The following ZHX2 variants were observed in gnomAD, a reference collection of about 807,000 sequenced individuals.
The protein encoded by ZHX2 is zinc fingers and homeoboxes protein 2.
ZHX2 carries 6 observed loss-of-function variants against 21.9 expected under a neutral mutation model. That is an observed-to-expected ratio of 0.27 (90% CI 0.15 to 0.54). The LOEUF (loss-of-function observed/expected upper bound fraction) is 0.54. ZHX2 is among the 20% of genes least tolerant of loss of function. The pLI is 0.95. For synonymous variants in ZHX2, 434 were observed against 437.1 expected (o/e 0.99, Z 0.09); for missense variants, 908 against 1,090.7 (o/e 0.83, Z 2.36).
chr8:122,967,533 A>T (rs915263103), intron 3 of ZHX2, among the ~76,000 whole-genome samples: 1 of 152,236 alleles, frequency 6.6e-6, no homozygotes, highest in Non-Finnish European at 1.5e-5. Context: ...GGATACCAGC[A>T]CCTGCTCCAG....
intron 3 of ZHX2, among the ~76,000 whole-genome samples, chr8:122,954,404 C>T (rs6987031): frequency 0.031 from 4,763 of 152,162 alleles, 224 homozygotes; most frequent in African/African-American, 0.11. Context: ...AACTCCTGGG[C>T]CCAAGCGATC....
At chr8:122,831,375 T>G (rs1317202057) in intron 1 of ZHX2, among the ~76,000 whole-genome samples, 2 of 151,904 alleles carry the variant, frequency 1.3e-5, no homozygotes, top group Non-Finnish European at 2.9e-5. Context: ...TGAGGACAAG[T>G]GAGGCTAGGG....
chr8:122,891,186 G>A (rs1477769387), intron 2 of ZHX2, among the ~76,000 whole-genome samples: 1 of 151,410 alleles, frequency 6.6e-6, no homozygotes, highest in South Asian at 2.1e-4. Flanking sequence ...GCTTTTCTTT[G>A]TTGGGAGACT....
intron 2 of ZHX2, among the ~76,000 whole-genome samples, chr8:122,888,545 G>A (rs1209946762): frequency 3.3e-5 from 5 of 152,016 alleles, no homozygotes; most frequent in South Asian, 4.1e-4. Context: ...GCAGTGGTGC[G>A]ATCTTGGCTC....
chr8:122,844,814 A>G (rs1818718615), intron 1 of ZHX2, among the ~76,000 whole-genome samples: 1 of 152,172 alleles, frequency 6.6e-6, no homozygotes, highest in African/African-American at 2.4e-5. Flanking sequence ...TACAGGAGAG[A>G]ATCACACTCT....
intron 2 of ZHX2, among the ~76,000 whole-genome samples, chr8:122,875,823 T>C (rs979793857): frequency 6.6e-6 from 1 of 152,242 alleles, no homozygotes; most frequent in African/African-American, 2.4e-5. Flanking sequence ...TGCCTCCCTA[T>C]CATTGCCATC....
intron 2 of ZHX2, among the ~76,000 whole-genome samples, chr8:122,927,665 G>T (rs1307797114): frequency 6.6e-6 from 1 of 152,160 alleles, no homozygotes; most frequent in Non-Finnish European, 1.5e-5. Context: ...AAAACCATCA[G>T]ATCTCATGAG....
intron 1 of ZHX2, among the ~76,000 whole-genome samples, chr8:122,834,192 C>A (rs1337134204): frequency 6.6e-6 from 1 of 152,180 alleles, no homozygotes; most frequent in African/African-American, 2.4e-5. Flanking sequence ...CCACCTGCCA[C>A]CATCAGGGTT....
At chr8:122,940,097 C>T (rs549627612) in intron 2 of ZHX2, among the ~76,000 whole-genome samples, 9 of 152,298 alleles carry the variant, frequency 5.9e-5, no homozygotes, top group African/African-American at 1.9e-4. Context: ...CTCTGGCTTG[C>T]ATGTGGGTTT....
At position 122,953,595 on chromosome 8, in the gene ZHX2, G is replaced by T. The variant is rs1417510358; in HGVS notation, c.2085G>T (p.Gln695His). 1.2e-6 allele frequency: 2 copies of T among 1,614,050 alleles called. No homozygotes were observed. The highest frequency in any genetic ancestry group is 2.7e-5 in the African/African-American group (2 of 74,942). Residue 695 changes from glutamine to histidine, a missense_variant, in exon 3 of 4, where the codon CAG becomes CAT. Around this residue, in one of 4 missense-constraint regions of ZHX2, gnomAD observed 431 missense variants for 428.6 expected, o/e 1.01. Coordinates refer to ENST00000314393, the MANE Select transcript of ZHX2 (RefSeq NM_014943.5). This position sits in a 1 kb window ranked among gnomAD's most constrained non-coding sequence, Gnocchi z 4.6. ...TGTVKWMEQY[Q>H]HQPMADDHGY... ...CCGTGAAGTGGATGGAGCAGTACCA[G>T]CACCAGCCCATGGCAGATGATCACG...
intron 2 of ZHX2, among the ~76,000 whole-genome samples, chr8:122,925,218 A>G (rs969773054): frequency 6.6e-6 from 1 of 152,208 alleles, no homozygotes; most frequent in Non-Finnish European, 1.5e-5. Context: ...TTACTAGTTG[A>G]TTGTTCCCCT....
intron 1 of ZHX2, among the ~76,000 whole-genome samples, chr8:122,783,948 G>T (rs936652063): frequency 1.3e-5 from 2 of 152,210 alleles, no homozygotes; most frequent in South Asian, 2.1e-4. Flanking sequence ...TTGCGCACTT[G>T]TACCTTTCCT....
rs548370994 is a variant in ZHX2 at position 122,796,039 on chromosome 8, C to T, written c.-283+14093C>T. ...TACAAAAATTAGCTGGGCATGGTGG[C>T]AGGCGCCTGTAATGCCAGCTACTTG... On this transcript the variant is annotated intron_variant, in intron 1 of 3. Transcript: ENST00000314393. Among the ~76,000 whole-genome samples the T allele has an allele frequency of 3.6e-3, 548 of 152,078 alleles. 4 individuals are homozygous for T. Among genetic ancestry groups the T allele is most frequent in the African/African-American group, 0.013 (522 of 41,466 alleles).
At position 122,951,991 on chromosome 8, in the gene ZHX2, C is replaced by T. The variant is rs998675557; in HGVS notation, c.481C>T (p.His161Tyr). ...GGAACAGTCCATCGAAACCACCAAC[C>T]ATGTCGTGTCCATCACCACCAGTGG... ...VLEQSIETTN[H>Y]VVSITTSGPG... Residue 161 changes from histidine (H) to tyrosine (Y), a missense_variant, in exon 3 of 4, where the codon CAT (histidine) becomes TAT (tyrosine). His to Tyr is a moderately conservative substitution (Grantham distance 83). Transcript: ENST00000314393. 1 of 1,613,680 alleles carries T rather than the reference C, an allele frequency of 6.2e-7. No individual in the cohort carries two copies. Among genetic ancestry groups the T allele is most frequent in the Non-Finnish European group, 8.5e-7 (1 of 1,179,996 alleles).
At position 122,953,473 on chromosome 8, in the gene ZHX2, C is replaced by T. The variant is rs1813196307; in HGVS notation, c.1963C>T (p.Pro655Ser). Residue 655 changes from proline (P) to serine (S), a missense_variant, in exon 3 of 4, where the codon CCC (proline) becomes TCC (serine). Transcript: ENST00000314393. This position sits in a 1 kb window ranked among gnomAD's most constrained non-coding sequence, Gnocchi z 4.6. ...STFARTQWPTPQEYDQLAAKT... is the reference protein window; with the variant it reads ...STFARTQWPTSQEYDQLAAKT... Reference sequence around the variant, plus strand: ...GTTTGCAAGAACCCAGTGGCCTACTCCCCAGGAGTACGACCAGTTAGCGGC... The same window carrying T: ...GTTTGCAAGAACCCAGTGGCCTACTTCCCAGGAGTACGACCAGTTAGCGGC... 1 of 1,614,200 alleles carries T rather than the reference C, an allele frequency of 6.2e-7. No homozygotes were observed.
chr8:122,821,105 G>A (rs1488306294), intron 1 of ZHX2, among the ~76,000 whole-genome samples: 3 of 152,224 alleles, frequency 2.0e-5, no homozygotes, highest in African/African-American at 7.2e-5. Context: ...CTGGGTAGCA[G>A]TGAGGGGTGG....
chr8:122,822,057 C>T (rs1456710556), intron 1 of ZHX2, among the ~76,000 whole-genome samples: 4 of 152,050 alleles, frequency 2.6e-5, no homozygotes, highest in Non-Finnish European at 4.4e-5. Context: ...GAGGATGCCT[C>T]GGAGGCCCAA....
intron 1 of ZHX2, among the ~76,000 whole-genome samples, chr8:122,838,409 G>A (rs112156504): frequency 4.0e-4 from 61 of 152,212 alleles, no homozygotes; most frequent in African/African-American, 1.4e-3. Context: ...AAGTAACGAG[G>A]CATGTCAGTC....
intron 1 of ZHX2, among the ~76,000 whole-genome samples, chr8:122,798,699 C>T (rs926573817): frequency 6.6e-6 from 1 of 151,850 alleles, no homozygotes; most frequent in Admixed American, 6.6e-5. Flanking sequence ...AGGAGAATCA[C>T]TTGAACCCAG....
Sources: gnomAD v4.1 joint callset for allele counts (sites outside exome capture counted in the v4.1 genomes callset) on GRCh38, gnomAD v4.1.1 for gene constraint, gnomAD v4.1.1 regional missense constraint, Gnocchi (gnomAD v3.1) non-coding constraint, MANE v1.5 for transcripts, NCBI Gene and HGNC (gene_info 2026-07-23, HGNC 2026-07-21) for gene names.